Variants in AGAP1 observed in about 807,000 individuals in gnomAD.
AGAP1 encodes arf-GAP with GTPase, ANK repeat and PH domain-containing protein 1.
A neutral mutation model predicts 105.3 loss-of-function variants in AGAP1; 29 were observed. That is an observed-to-expected ratio of 0.28 (90% CI 0.21 to 0.38). The LOEUF is 0.38. Among genes scored for constraint, AGAP1 ranks in the 10% least tolerant of loss-of-function variants. AGAP1 has a pLI of 1.00. For synonymous variants in AGAP1, 509 were observed against 485.9 expected (o/e 1.05, Z -0.63); for missense variants, 998 against 1,165.1 (o/e 0.86, Z 2.09).
rs79583884 is a variant in AGAP1, at chr2:235,544,558, A to C, written c.163+49709A>C. ...GAGGAGCCAGCCGGGCCGACCACGG[A>C]GCCCCTTCCTCTATTATGCACGAAG... On this transcript the variant is annotated intron_variant, in intron 1 of 17. Coordinates refer to ENST00000304032, the MANE Select transcript of AGAP1 (RefSeq NM_001037131.3). Among the ~76,000 whole-genome samples the C allele has an allele frequency of 5.2e-4, 79 of 152,308 alleles. 2 individuals carry two copies. In the East Asian group the frequency reaches 0.015, roughly 28 times the overall value.
intron 6 of AGAP1, among the ~76,000 whole-genome samples, chr2:235,791,758 G>C (rs1324744483): frequency 6.6e-6 from 1 of 152,136 alleles, no homozygotes; most frequent in Non-Finnish European, 1.5e-5. Flanking sequence ...ATGTTGACCA[G>C]GCTGGTCCAA....
intron 13 of AGAP1, among the ~76,000 whole-genome samples, chr2:235,998,914 T>C (rs1184649838): frequency 6.6e-6 from 1 of 150,942 alleles, no homozygotes; most frequent in African/African-American, 2.4e-5. Flanking sequence ...GCAATGACGA[T>C]GATAGTATGA....
At chr2:235,926,182 G>C (rs1164503363) in intron 11 of AGAP1, among the ~76,000 whole-genome samples, 1 of 152,206 alleles carries the variant, frequency 6.6e-6, no homozygotes, top group African/African-American at 2.4e-5. Context: ...TTACATATTA[G>C]ACTCTGTATG....
chr2:235,613,711 G>T (rs1268937017), intron 1 of AGAP1, among the ~76,000 whole-genome samples: 1 of 152,212 alleles, frequency 6.6e-6, no homozygotes, highest in Non-Finnish European at 1.5e-5. Context: ...TATTCCAGGT[G>T]ATCTACTGAT....
At position 236,014,010 on chromosome 2, in the gene AGAP1, C is replaced by T. The variant is rs955488438; in HGVS notation, c.1646-22551C>T. 1.3e-5 allele frequency among the ~76,000 whole-genome samples: 2 copies of T among 152,180 alleles called. No individual in the cohort carries two copies. Among genetic ancestry groups the T allele is most frequent in the East Asian group, 3.9e-4 (2 of 5,188 alleles). On this transcript the variant is annotated intron_variant, in intron 13 of 17. Coordinates refer to ENST00000304032, the MANE Select transcript of AGAP1 (RefSeq NM_001037131.3). This position sits in a 1 kb window ranked among gnomAD's most constrained non-coding sequence, Gnocchi z 6.3. ...TGTCTCTGGAGGGTGGGGGCCCCAT[C>T]TCAGTGAGCCAGCCAGGCACTGCAC...
intron 9 of AGAP1, among the ~76,000 whole-genome samples, chr2:235,862,000 C>T (rs2048945711): frequency 6.6e-6 from 1 of 152,168 alleles, no homozygotes. Context: ...TGCTTGAGCT[C>T]ATTCTTTTCG....
At chr2:236,039,398 T>G (rs569445648) in intron 14 of AGAP1, among the ~76,000 whole-genome samples, 2 of 152,236 alleles carry the variant, frequency 1.3e-5, no homozygotes, top group South Asian at 4.2e-4. Context: ...TGAGCTATGA[T>G]TGCACTACTC....
At chr2:236,006,053 T>C (rs2056311898) in intron 13 of AGAP1, among the ~76,000 whole-genome samples, 2 of 152,310 alleles carry the variant, frequency 1.3e-5, no homozygotes, top group Admixed American at 1.3e-4. Flanking sequence ...TCTGTTTCTC[T>C]CCCCCATTTA....
rs566101453 is a variant in AGAP1, at chr2:236,008,133, G to A, written c.1646-28428G>A. Among the ~76,000 whole-genome samples, 31 of 152,276 alleles carry A rather than the reference G, an allele frequency of 2.0e-4. No homozygotes were observed. The South Asian group carries it at 5.8e-3, about 29-fold the overall frequency. ...GGAGTGCATATAACACTGTGCAGCC[G>A]AATAACTAGACCTAGAAAATAAAAC... On this transcript the variant is annotated intron_variant, in intron 13 of 17. Coordinates refer to ENST00000304032, the MANE Select transcript of AGAP1 (RefSeq NM_001037131.3).
intron 1 of AGAP1, among the ~76,000 whole-genome samples, chr2:235,697,594 A>G (rs375308738): frequency 6.1e-4 from 93 of 152,202 alleles, no homozygotes; most frequent in African/African-American, 2.1e-3. Context: ...TCCCCCAACC[A>G]ATTTCTTAGT....
rs896503462 is a variant in AGAP1 at position 235,934,854 on chromosome 2, A to G, written c.1483+3931A>G. 6.6e-6 allele frequency among the ~76,000 whole-genome samples: 1 copy of G among 152,176 alleles called. No individual in the cohort carries two copies. The highest frequency in any genetic ancestry group is 1.5e-5 in the Non-Finnish European group (1 of 68,042). On this transcript the variant is annotated intron_variant, in intron 12 of 17. Transcript: ENST00000304032. The surrounding 1 kb of genome is among the most constrained non-coding windows in gnomAD (Gnocchi z 4.9). ...TTGTTGTGCACTCTTACTCTAAAAC[A>G]TAATAATCACGGCAACATTGGGATT...
chr2:235,523,313 A>G (rs1486114868), intron 1 of AGAP1, among the ~76,000 whole-genome samples: 2 of 152,214 alleles, frequency 1.3e-5, no homozygotes, highest in Non-Finnish European at 2.9e-5. Context: ...CATTCAGCCC[A>G]TAACAGGGTG....
At chr2:235,529,947 A>G (rs775846289) in intron 1 of AGAP1, among the ~76,000 whole-genome samples, 4 of 152,160 alleles carry the variant, frequency 2.6e-5, no homozygotes, top group Non-Finnish European at 5.9e-5. Context: ...AAAGGTTAAA[A>G]TAAGGCTTGT....
intron 9 of AGAP1, among the ~76,000 whole-genome samples, chr2:235,817,783 C>T (rs947690186): frequency 1.3e-5 from 2 of 152,158 alleles, no homozygotes; most frequent in South Asian, 2.1e-4. Flanking sequence ...TCCAACTACT[C>T]GGGAGCCTGA....
At chr2:235,928,759 T>C (rs2052574867) in intron 11 of AGAP1, among the ~76,000 whole-genome samples, 1 of 151,266 alleles carries the variant, frequency 6.6e-6, no homozygotes, top group Non-Finnish European at 1.5e-5. Flanking sequence ...AGGCACACAA[T>C]ACCCAGAGGA....
chr2:235,920,053 G>A (rs1182153387), intron 11 of AGAP1, among the ~76,000 whole-genome samples: 1 of 152,194 alleles, frequency 6.6e-6, no homozygotes, highest in Non-Finnish European at 1.5e-5. Context: ...TTTAGGAAGT[G>A]ACGACGAACC....
chr2:236,028,112 G>T (rs1361949264), intron 13 of AGAP1, among the ~76,000 whole-genome samples: 1 of 152,158 alleles, frequency 6.6e-6, no homozygotes, highest in African/African-American at 2.4e-5. Flanking sequence ...GCTTTCCACG[G>T]TCAGCAGGGT....
At chr2:235,862,232 A>C (rs1242023391) in intron 9 of AGAP1, among the ~76,000 whole-genome samples, 1 of 152,210 alleles carries the variant, frequency 6.6e-6, no homozygotes, top group African/African-American at 2.4e-5. Context: ...CCAGAAGCAC[A>C]GTTTGTCTTC....
In AGAP1 at chr2:236,065,639, A is replaced by T. The variant is rs563042431; in HGVS notation, c.2114+16358A>T. Among the ~76,000 whole-genome samples the T allele has an allele frequency of 1.1e-4, 17 of 152,164 alleles. 1 individual carries two copies. The highest frequency in any genetic ancestry group is 2.1e-4 in the Non-Finnish European group (14 of 68,016). On this transcript the variant is annotated intron_variant, in intron 16 of 17. Coordinates refer to ENST00000304032, the MANE Select transcript of AGAP1 (RefSeq NM_001037131.3). The stretch of plus-strand genomic sequence containing the variant: ...TTTAAATGTGCATATTTACAACAAA[A>T]TCCTGCTTCCTAAGGCAAGCGAGTG...
Sources: gnomAD v4.1 joint callset for allele counts (sites outside exome capture counted in the v4.1 genomes callset) on GRCh38, gnomAD v4.1.1 for gene constraint, Gnocchi (gnomAD v3.1) non-coding constraint, MANE v1.5 for transcripts, NCBI Gene and HGNC (gene_info 2026-07-23, HGNC 2026-07-21) for gene names.